Variants in PAPPA observed in about 807,000 individuals in gnomAD.
PAPPA encodes the protein pappalysin-1.
In PAPPA, 60 loss-of-function variants were observed where a neutral mutation model predicts 164.0. The ratio of observed to expected loss-of-function variants is 0.37; its 90% confidence interval spans 0.30 to 0.45. The LOEUF (loss-of-function observed/expected upper bound fraction) is 0.45. PAPPA is among the 20% of genes least tolerant of loss of function. The pLI is 1.00. For synonymous variants in PAPPA, 875 were observed against 814.1 expected (o/e 1.07, Z -1.27); for missense variants, 1,782 against 2,087.3 (o/e 0.85, Z 2.85).
chr9:116,245,310 TA>T (rs766835072), intron 7 of PAPPA, among the ~76,000 whole-genome samples: 2 of 152,042 alleles, frequency 1.3e-5, no homozygotes, highest in African/African-American at 4.8e-5. Flanking sequence ...TTTATACAAA[TA>T]AAAAAAGAAG....
intron 9 of PAPPA, among the ~76,000 whole-genome samples, chr9:116,295,553 CAAAAA>C (rs56171405): frequency 1.7e-5 from 2 of 114,724 alleles, no homozygotes. Context: ...GACTCGGTCT[CAAAAA>C]AAAAAAAAAA....
chr9:116,163,216 T>C (rs1442832475), intron 1 of PAPPA, among the ~76,000 whole-genome samples: 1 of 152,144 alleles, frequency 6.6e-6, no homozygotes, highest in African/African-American at 2.4e-5. Flanking sequence ...AATAAGCATA[T>C]ATATCCCATA....
chr9:116,199,687 T>A (rs572064369), intron 2 of PAPPA, among the ~76,000 whole-genome samples: 1 of 152,244 alleles, frequency 6.6e-6, no homozygotes, highest in South Asian at 2.1e-4. Flanking sequence ...TAGTTTGCTG[T>A]ATATTGCTTC....
intron 1 of PAPPA, among the ~76,000 whole-genome samples, chr9:116,179,501 T>C (rs988572893): frequency 1.7e-4 from 26 of 152,180 alleles, no homozygotes; most frequent in African/African-American, 5.8e-4. Flanking sequence ...CAGTATAACT[T>C]GGTATAATCC....
intron 9 of PAPPA, among the ~76,000 whole-genome samples, chr9:116,279,041 G>A (rs1367618270): frequency 1.3e-5 from 2 of 152,172 alleles, no homozygotes; most frequent in African/African-American, 4.8e-5. Context: ...CTAAATTACA[G>A]TGGTGCCATT....
intron 21 of PAPPA, among the ~76,000 whole-genome samples, chr9:116,386,817 T>TAA (rs1184087693): frequency 6.6e-6 from 1 of 152,112 alleles, no homozygotes; most frequent in Non-Finnish European, 1.5e-5. Context: ...CGGGGGAAGA[T>TAA]AAGTCTCCCA....
Position 116,154,281 on chromosome 9 carries a change from C to G in PAPPA, c.109C>G (p.Pro37Ala). 1.0e-6 allele frequency: 1 copy of G among 1,003,204 alleles called. No homozygotes were observed. The highest frequency in any genetic ancestry group is 1.2e-6 in the Non-Finnish European group (1 of 840,342). The allele number at this position is 1,003,204 out of a possible 1,614,324, so 62.1% of individuals were successfully genotyped here. ...RARRDPRAGRPPRPAAGPATC... is the reference protein window; with the variant it reads ...RARRDPRAGRAPRPAAGPATC... ...CCGGAGAGACCCGCGGGCCGGCCGA[C>G]CCCCGCGCCCCGCCGCCGGCCCGGC... is the stretch of plus-strand genomic sequence containing the variant. The change falls in exon 1 of 22, where the codon CCC becomes GCC. Residue 37 changes from proline (P) to alanine (A), a missense_variant. Pro to Ala is a conservative substitution (Grantham distance 27). This residue lies in a region of PAPPA where 458 missense variants were observed against 430.3 expected (regional missense o/e 1.06). Coordinates refer to ENST00000328252, the MANE Select transcript of PAPPA (RefSeq NM_002581.5). The surrounding 1 kb of genome is among the most constrained non-coding windows in gnomAD (Gnocchi z 5.2).
At chr9:116,263,706 T>C (rs1845030520) in intron 7 of PAPPA, among the ~76,000 whole-genome samples, 1 of 152,174 alleles carries the variant, frequency 6.6e-6, no homozygotes, top group African/African-American at 2.4e-5. Flanking sequence ...CATGACTTCC[T>C]GGCTAATAAG....
At chr9:116,341,878 A>G (rs979765689) in intron 13 of PAPPA, among the ~76,000 whole-genome samples, 1 of 152,232 alleles carries the variant, frequency 6.6e-6, no homozygotes. Context: ...TAAGTTTCCA[A>G]AGTCAGACAA....
intron 9 of PAPPA, among the ~76,000 whole-genome samples, chr9:116,285,030 G>A (rs1209071675): frequency 6.6e-6 from 1 of 152,098 alleles, no homozygotes; most frequent in African/African-American, 2.4e-5. Flanking sequence ...CCAATTGAGA[G>A]TGTCAGATGG....
Position 116,289,246 on chromosome 9 carries a change from GCATATATGTA to G in PAPPA, c.2954-13510_2954-13501del, listed in dbSNP as rs1416124567. 1.1e-4 allele frequency among the ~76,000 whole-genome samples: 7 copies of G among 62,958 alleles called. No homozygotes were observed. In the East Asian group the frequency reaches 1.4e-3, roughly 12 times the overall value. The allele number at this position is 62,958 out of a possible 152,430, so 41.3% of individuals were successfully genotyped here. A position where few individuals can be genotyped will look rare whatever the true frequency, so the allele number is the denominator to read the frequency against. ...CATATATATATAGCATATATATATA[GCATATATGTA>G]GCATATATATATAGCATATATATAG... On this transcript the variant is annotated intron_variant, in intron 9 of 21. Coordinates refer to ENST00000328252, the MANE Select transcript of PAPPA (RefSeq NM_002581.5).
At chr9:116,309,943 T>C (rs1845694791) in intron 10 of PAPPA, among the ~76,000 whole-genome samples, 1 of 152,170 alleles carries the variant, frequency 6.6e-6, no homozygotes, top group Non-Finnish European at 1.5e-5. Flanking sequence ...GAATTCTTAA[T>C]ATTCCTCTCT....
intron 9 of PAPPA, among the ~76,000 whole-genome samples, chr9:116,292,860 G>A (rs1359982340): frequency 2.6e-5 from 4 of 152,198 alleles, no homozygotes; most frequent in African/African-American, 9.6e-5. Context: ...AGCATTCCAT[G>A]TAGAGTTAGG....
At chr9:116,257,454 G>T (rs913819629) in intron 7 of PAPPA, among the ~76,000 whole-genome samples, 2 of 151,890 alleles carry the variant, frequency 1.3e-5, no homozygotes, top group African/African-American at 2.4e-5. Flanking sequence ...TAATCCCAGT[G>T]CTTTGGGAGG....
chr9:116,333,334 C>A (rs753543259), intron 12 of PAPPA, among the ~76,000 whole-genome samples: 10 of 152,168 alleles, frequency 6.6e-5, no homozygotes, highest in Non-Finnish European at 1.5e-4. Context: ...TGTAACCATG[C>A]CTAGCACAAG....
chr9:116,259,041 G>A (rs1020346900), intron 7 of PAPPA, among the ~76,000 whole-genome samples: 11 of 152,004 alleles, frequency 7.2e-5, no homozygotes, highest in African/African-American at 2.7e-4. Context: ...GCTGAGGCAG[G>A]GGAATTGCTT....
intron 9 of PAPPA, among the ~76,000 whole-genome samples, chr9:116,289,530 T>C (rs1323461856): frequency 5.3e-5 from 8 of 151,822 alleles, no homozygotes; most frequent in Admixed American, 3.9e-4. Flanking sequence ...CCAATATTTG[T>C]ATAATAAGCC....
intron 9 of PAPPA, among the ~76,000 whole-genome samples, chr9:116,285,348 T>G (rs2118851642): frequency 6.6e-6 from 1 of 152,070 alleles, no homozygotes; most frequent in Admixed American, 6.5e-5. Context: ...TTTTGTATTT[T>G]TGTAGACATG....
At chr9:116,321,020 G>A (rs374038696) in intron 10 of PAPPA, among the ~76,000 whole-genome samples, 33 of 151,576 alleles carry the variant, frequency 2.2e-4, no homozygotes, top group African/African-American at 7.5e-4. Context: ...AAGTGGTATT[G>A]TTGTTATACA....
Sources: gnomAD v4.1 joint callset for allele counts (sites outside exome capture counted in the v4.1 genomes callset) on GRCh38, gnomAD v4.1.1 for gene constraint, gnomAD v4.1.1 regional missense constraint, Gnocchi (gnomAD v3.1) non-coding constraint, MANE v1.5 for transcripts, NCBI Gene and HGNC (gene_info 2026-07-23, HGNC 2026-07-21) for gene names.